The following ZNF143 variants were observed in gnomAD, a reference collection of about 807,000 sequenced individuals.
ZNF143 encodes the protein SPH-binding factor.
A neutral mutation model predicts 74.1 loss-of-function variants in ZNF143; 49 were observed. The ratio of observed to expected loss-of-function variants is 0.66; its 90% CI spans 0.53 to 0.84. The LOEUF (loss-of-function observed/expected upper bound fraction) is 0.84, where lower values mean the gene tolerates loss of function less well. ZNF143 is among the 40% of genes least tolerant of loss of function. ZNF143 has a pLI of 0.00. For synonymous variants in ZNF143, 304 were observed against 282.8 expected (o/e 1.07, Z -0.75); for missense variants, 637 against 793.4 (o/e 0.80, Z 2.37).
At chr11:9,501,428 A>G (rs1263453826) in intron 11 of ZNF143, among the ~76,000 whole-genome samples, 158 bp downstream of exon 11, 2 of 152,250 alleles carry the variant, frequency 1.3e-5, no homozygotes, top group Admixed American at 6.5e-5. Context: ...CTTAACAGTC[A>G]TACATTCATT....
intron 7 of ZNF143, among the ~76,000 whole-genome samples, chr11:9,486,849 T>A (rs1288524768): frequency 6.7e-6 from 1 of 148,670 alleles, no homozygotes; most frequent in Non-Finnish European, 1.5e-5. Context: ...TTTGTATTTT[T>A]AATAGAGATA....
chr11:9,511,476 T>G (rs1848543229), intron 12 of ZNF143, among the ~76,000 whole-genome samples: 1 of 150,912 alleles, frequency 6.6e-6, no homozygotes, highest in African/African-American at 2.4e-5. Context: ...TTTTTTTTTT[T>G]GTATTTTTAG....
intron 9 of ZNF143, among the ~76,000 whole-genome samples, chr11:9,496,845 G>T (rs187165184): frequency 3.3e-5 from 5 of 151,932 alleles, no homozygotes; most frequent in African/African-American, 4.8e-5. Context: ...TAATCCGTCC[G>T]CCTCGGCCTC....
intron 11 of ZNF143, among the ~76,000 whole-genome samples, chr11:9,506,876 A>G (rs1223373000): frequency 6.6e-6 from 1 of 152,056 alleles, no homozygotes; most frequent in Non-Finnish European, 1.5e-5. Flanking sequence ...ACTAGCCAGT[A>G]AGGGAGCTCA....
chr11:9,504,384 G>A lies in ZNF143; in HGVS notation c.1147+3114G>A, dbSNP rs569281450. ...TTACTGAGTTGTATAACTTTAATTC[G>A]AGAGACTTGAATCCAAGTCTCTTAT... On this transcript the variant is annotated intron_variant, in intron 11 of 15. Coordinates refer to ENST00000396602, the MANE Select transcript of ZNF143 (RefSeq NM_003442.6). 4.7e-5 allele frequency among the ~76,000 whole-genome samples: 6 copies of A among 126,858 alleles called. 2 individuals carry two copies. The highest frequency in any genetic ancestry group is 8.3e-5 in the Admixed American group (1 of 12,004). 83.2% of individuals were successfully genotyped at this position (126,858 alleles called of 152,430 possible). A position where few individuals can be genotyped will look rare whatever the true frequency, so the allele number is the denominator to read the frequency against.
chr11:9,472,599 A>G, intron 2 of ZNF143, 78 bp from the exon 3 acceptor site: 1 of 1,266,968 alleles, frequency 7.9e-7, no homozygotes, highest in East Asian at 2.4e-5. Context: ...CTTTTTTCTG[A>G]TCTTTATTTG....
At chr11:9,462,558 GA>G (rs34230499) in intron 1 of ZNF143, among the ~76,000 whole-genome samples, 48,117 of 145,340 alleles carry the variant, frequency 0.33, 9,331 homozygotes, top group Non-Finnish European at 0.44. Flanking sequence ...GACCGGTCTC[GA>G]AAAAAAAAAA....
At position 9,527,523 on chromosome 11, in the gene ZNF143, GTTTCAGC is replaced by G. The variant is rs1849172335; in HGVS notation, c.1834-4_1836del. 6.2e-7 allele frequency: 1 copy of G among 1,613,324 alleles called. No homozygotes were observed. The highest frequency in any genetic ancestry group is 8.5e-7 in the Non-Finnish European group (1 of 1,179,718). On this transcript the variant is annotated splice_acceptor_variant and splice_polypyrimidine_tract_variant and coding_sequence_variant and intron_variant, in exon 16 of 16. Coordinates refer to ENST00000396602, the MANE Select transcript of ZNF143 (RefSeq NM_003442.6). LOFTEE classifies it high-confidence loss of function. Reference sequence around the variant, plus strand: ...GTTAGCGTTTGATGTGTGTGTTCCTGTTTCAGCTTGGAGAACAGCCATCTCTGGAAGA... The same window carrying G: ...GTTAGCGTTTGATGTGTGTGTTCCTGTTGGAGAACAGCCATCTCTGGAAGA...
chr11:9,471,647 A>C (rs1426341626), intron 2 of ZNF143, among the ~76,000 whole-genome samples: 1 of 149,190 alleles, frequency 6.7e-6, no homozygotes, highest in African/African-American at 2.5e-5. Flanking sequence ...CTGCCTCCCA[A>C]GTCCAAGTGA....
chr11:9,473,532 A>G (rs1356276615), intron 3 of ZNF143, among the ~76,000 whole-genome samples: 1 of 152,212 alleles, frequency 6.6e-6, no homozygotes, highest in East Asian at 1.9e-4. Context: ...ATACATAAAC[A>G]GGGGTCTTAT....
At chr11:9,510,490 C>T (rs1176953231) in intron 12 of ZNF143, among the ~76,000 whole-genome samples, 1 of 152,070 alleles carries the variant, frequency 6.6e-6, no homozygotes, top group Admixed American at 6.6e-5. Context: ...AAAAACAAAA[C>T]TAAACTAAGA....
chr11:9,512,447 G>C lies in ZNF143; in HGVS notation c.1376-1G>C. On this transcript the variant is annotated splice_acceptor_variant, in intron 12 of 15. Coordinates refer to ENST00000396602, the MANE Select transcript of ZNF143 (RefSeq NM_003442.6). LOFTEE classifies it high-confidence loss of function. ...ATAAATGATTCATTTGTTTTAAACA[G>C]GTCAAGGTGAAGATGTTCTTAAAGG... The C allele has an allele frequency of 6.2e-7, 1 of 1,613,344 alleles. No homozygotes were observed. Among genetic ancestry groups the C allele is most frequent in the East Asian group, 2.2e-5 (1 of 44,862 alleles).
chr11:9,522,310 C>G (rs1289791304), intron 14 of ZNF143, among the ~76,000 whole-genome samples: 1 of 151,962 alleles, frequency 6.6e-6, no homozygotes, highest in Non-Finnish European at 1.5e-5. Context: ...AGGCTGGCCT[C>G]AAACTCCTGG....
At chr11:9,526,221 G>A (rs1355518866) in intron 15 of ZNF143, among the ~76,000 whole-genome samples, 2 of 151,962 alleles carry the variant, frequency 1.3e-5, no homozygotes, top group African/African-American at 4.8e-5. Context: ...AGGTGTGGTG[G>A]TGTGCACCTG....
chr11:9,478,712 G>T (rs1847118829), intron 6 of ZNF143, 126 bp downstream of exon 6: 5 of 1,053,642 alleles, frequency 4.7e-6, no homozygotes, highest in Non-Finnish European at 6.8e-6. Context: ...GGCATGGCGT[G>T]ATGGCTCACG....
intron 1 of ZNF143, among the ~76,000 whole-genome samples, chr11:9,462,437 G>A (rs1469960728): frequency 1.3e-5 from 2 of 152,070 alleles, no homozygotes; most frequent in South Asian, 2.1e-4. Context: ...ATCAGCGTGT[G>A]CCTGTAGTCC....
At chr11:9,525,883 T>C (rs1292677156) in intron 15 of ZNF143, among the ~76,000 whole-genome samples, 1 of 152,168 alleles carries the variant, frequency 6.6e-6, no homozygotes, top group African/African-American at 2.4e-5. Context: ...GGCTCATCCC[T>C]ATAATCCTAG....
intron 12 of ZNF143, among the ~76,000 whole-genome samples, chr11:9,509,232 C>T (rs1050321203): frequency 6.6e-6 from 1 of 152,136 alleles, no homozygotes; most frequent in Non-Finnish European, 1.5e-5. Flanking sequence ...CTGAATGAAG[C>T]CTGGCCAGTT....
chr11:9,513,439 A>G (rs536210545), intron 13 of ZNF143, among the ~76,000 whole-genome samples: 1 of 152,350 alleles, frequency 6.6e-6, no homozygotes, highest in African/African-American at 2.4e-5. Flanking sequence ...TTAATTCTGC[A>G]TCAGCCTTAA....
Sources: gnomAD v4.1 joint callset for allele counts (sites outside exome capture counted in the v4.1 genomes callset) on GRCh38, gnomAD v4.1.1 for gene constraint, MANE v1.5 for transcripts, NCBI Gene and HGNC (gene_info 2026-07-23, HGNC 2026-07-21) for gene names.